Variants in ZNF407 observed in about 807,000 individuals in gnomAD.
ZNF407 encodes the protein zinc finger protein 407.
In ZNF407, 17 loss-of-function variants were observed where a neutral mutation model predicts 131.2. The observed-to-expected ratio is 0.13, with a 90% confidence interval of 0.09 to 0.19. The LOEUF is 0.19. Among genes scored for constraint, ZNF407 ranks in the 10% least tolerant of loss-of-function variants. ZNF407 has a pLI of 1.00. For synonymous variants in ZNF407, 1,156 were observed against 1,062.0 expected (o/e 1.09, Z -1.72); for missense variants, 2,681 against 2,830.6 (o/e 0.95, Z 1.20).
intron 4 of ZNF407, among the ~76,000 whole-genome samples, chr18:74,783,629 A>G (rs1251459373): frequency 6.6e-6 from 1 of 151,854 alleles, no homozygotes; most frequent in African/African-American, 2.4e-5. Flanking sequence ...TCTGTCCTGA[A>G]TACATAAAGG....
intron 1 of ZNF407, among the ~76,000 whole-genome samples, chr18:74,606,387 A>G (rs755048115): frequency 6.6e-5 from 10 of 152,122 alleles, no homozygotes; most frequent in Admixed American, 2.6e-4. Context: ...GGAGATACCT[A>G]CATTTATATA....
chr18:75,064,851 G>C lies in ZNF407; in HGVS notation c.*383G>C. The C allele has an allele frequency of 5.7e-6, 1 of 174,008 alleles. No individual in the cohort carries two copies. The highest frequency in any genetic ancestry group is 5.8e-5 in the Admixed American group (1 of 17,134). 10.8% of individuals were successfully genotyped at this position (174,008 alleles called of 1,614,324 possible). A position where few individuals can be genotyped will look rare whatever the true frequency, so the allele number is the denominator to read the frequency against. Reference sequence around the variant, plus strand: ...CCCATTTCAGTTATCAGAAGGTCATGGCCGTGGGGAAAGTGGTGAAGATAC... The same window carrying C: ...CCCATTTCAGTTATCAGAAGGTCATCGCCGTGGGGAAAGTGGTGAAGATAC... On this transcript the variant is annotated 3_prime_UTR_variant, in exon 9 of 9. Transcript: ENST00000299687.
At chr18:74,869,839 A>G (rs964229723) in intron 4 of ZNF407, among the ~76,000 whole-genome samples, 3 of 152,204 alleles carry the variant, frequency 2.0e-5, no homozygotes, top group Non-Finnish European at 4.4e-5. Context: ...ACGAAAGTTG[A>G]AAATATTTAC....
At chr18:74,675,101 C>A (rs1986301608) in intron 3 of ZNF407, among the ~76,000 whole-genome samples, 1 of 152,230 alleles carries the variant, frequency 6.6e-6, no homozygotes, top group Admixed American at 6.5e-5. Context: ...TACTCACTAA[C>A]TGCTCACTAC....
chr18:75,013,343 T>C (rs1466862651), intron 8 of ZNF407, among the ~76,000 whole-genome samples: 1 of 152,120 alleles, frequency 6.6e-6, no homozygotes, highest in Non-Finnish European at 1.5e-5. Context: ...TATTAAGTGA[T>C]GGGTAGTTGT....
chr18:74,635,467 G>T lies in ZNF407; in HGVS notation c.4448G>T (p.Gly1483Val), dbSNP rs1984417136. ...AGTGTGGAGGAGCTTCCGGAGGGAG[G>T]GGCCACCTTTAAATGTGTCAAGTGC... ...QASVEELPEG[G>V]ATFKCVKCTE... Residue 1483 changes from glycine to valine, a missense_variant, in exon 2 of 9, where the codon GGG becomes GTG. By Grantham distance (109) the Gly-to-Val change is moderately radical. This residue lies in a region of ZNF407 where 213 missense variants were observed against 332.2 expected (regional missense o/e 0.64). Coordinates refer to ENST00000299687, the MANE Select transcript of ZNF407 (RefSeq NM_017757.3). This position sits in a 1 kb window ranked among gnomAD's most constrained non-coding sequence, Gnocchi z 4.7. The T allele has an allele frequency of 6.2e-7, 1 of 1,612,842 alleles. No homozygotes were observed. The highest frequency in any genetic ancestry group is 1.3e-5 in the African/African-American group (1 of 74,912).
At chr18:74,913,390 G>T (rs1018605237) in intron 7 of ZNF407, among the ~76,000 whole-genome samples, 1 of 152,160 alleles carries the variant, frequency 6.6e-6, no homozygotes, top group Non-Finnish European at 1.5e-5. Flanking sequence ...AGAAAAGAAG[G>T]TAAGGGTGGG....
chr18:74,867,454 ATGT>A (rs1248624468), intron 4 of ZNF407, among the ~76,000 whole-genome samples: 7 of 152,172 alleles, frequency 4.6e-5, no homozygotes, highest in Non-Finnish European at 8.8e-5. Context: ...CCTGTGCCCA[ATGT>A]TGTAGAAATA....
intron 3 of ZNF407, among the ~76,000 whole-genome samples, chr18:74,755,885 C>CTTTTTTTTTTTTT (rs34750560): frequency 7.7e-5 from 2 of 25,822 alleles, no homozygotes; most frequent in Admixed American, 8.4e-4. Flanking sequence ...CTTTTCCTTC[C>CTTTTTTTTTTTTT]TTTTTTTTTT....
At chr18:74,804,040 G>A in intron 4 of ZNF407, 1 of 1,551,684 alleles carries the variant, frequency 6.4e-7, no homozygotes, top group South Asian at 1.2e-5. Context: ...TGCCTCTGAA[G>A]CCCAAAGTCT....
intron 4 of ZNF407, among the ~76,000 whole-genome samples, chr18:74,801,642 C>T (rs894524506): frequency 6.6e-6 from 1 of 152,204 alleles, no homozygotes; most frequent in Non-Finnish European, 1.5e-5. Flanking sequence ...GAATTTCACA[C>T]CCGCAGATGC....
chr18:74,672,688 C>T (rs1487893184), intron 3 of ZNF407, among the ~76,000 whole-genome samples: 1 of 150,160 alleles, frequency 6.7e-6, no homozygotes, highest in South Asian at 2.1e-4. Flanking sequence ...ATCTGCTCAT[C>T]CTTGGGTCCT....
intron 4 of ZNF407, chr18:74,803,920 A>T: frequency 6.5e-7 from 1 of 1,547,318 alleles, no homozygotes; most frequent in South Asian, 1.2e-5. Flanking sequence ...ACGTGCCTTG[A>T]AAACATGAAG....
intron 3 of ZNF407, among the ~76,000 whole-genome samples, chr18:74,717,283 C>T (rs1392714094): frequency 1.3e-5 from 2 of 152,164 alleles, no homozygotes; most frequent in African/African-American, 4.8e-5. Context: ...TTTTGCTCAG[C>T]ATTGGTTTGG....
chr18:74,699,040 C>T (rs1043483373), intron 3 of ZNF407, among the ~76,000 whole-genome samples: 1 of 152,158 alleles, frequency 6.6e-6, no homozygotes. Context: ...ACCTAGCATT[C>T]CCTTCTCTCT....
intron 8 of ZNF407, among the ~76,000 whole-genome samples, chr18:74,974,575 A>G (rs937735470): frequency 6.6e-6 from 1 of 152,206 alleles, no homozygotes; most frequent in African/African-American, 2.4e-5. Flanking sequence ...CAGAAGCTAT[A>G]TTTATGCCTT....
intron 7 of ZNF407, among the ~76,000 whole-genome samples, chr18:74,895,229 T>C (rs1419052653): frequency 6.6e-6 from 1 of 152,062 alleles, no homozygotes; most frequent in East Asian, 1.9e-4. Context: ...TTTTTCTTTT[T>C]TTGGTGAGGG....
chr18:75,021,882 C>T (rs1478195874), intron 8 of ZNF407, among the ~76,000 whole-genome samples: 1 of 151,692 alleles, frequency 6.6e-6, no homozygotes, highest in Non-Finnish European at 1.5e-5. Flanking sequence ...GTCAGAAGTT[C>T]CCAGAATAAA....
At chr18:74,786,149 G>T (rs978853331) in intron 4 of ZNF407, among the ~76,000 whole-genome samples, 2 of 152,148 alleles carry the variant, frequency 1.3e-5, no homozygotes, top group African/African-American at 4.8e-5. Context: ...CCACCTTAAA[G>T]AAATAACTTC....
Sources: allele counts gnomAD v4.1 joint callset (sites outside exome capture counted in the v4.1 genomes callset), GRCh38; gene constraint gnomAD v4.1.1; regional missense constraint gnomAD v4.1.1; non-coding constraint Gnocchi (gnomAD v3.1); transcripts MANE v1.5; gene names NCBI Gene and HGNC (gene_info 2026-07-23, HGNC 2026-07-21).